Variants in FLNC observed in about 807,000 individuals in gnomAD.
FLNC encodes filamin C.
Under a neutral mutation model 254.3 loss-of-function variants are expected in FLNC, and 91 were observed. The ratio of observed to expected loss-of-function variants is 0.36; its 90% CI spans 0.30 to 0.43. The LOEUF is 0.43. Ranked by LOEUF, FLNC falls within the 20% of genes least tolerant of loss-of-function variation. FLNC has a pLI of 1.00. For missense variants in FLNC, 2,853 were observed against 3,802.6 expected (o/e 0.75, Z 6.57); for synonymous variants, 1,430 against 1,577.2 (o/e 0.91, Z 2.21).
rs1337687550 is a variant in FLNC at position 128,846,882 on chromosome 7, C to T, written c.4265C>T (p.Thr1422Ile). The change falls in exon 24 of 48, where the codon ACC (threonine) becomes ATC (isoleucine). Residue 1422 changes from threonine to isoleucine, a missense_variant. Transcript: ENST00000325888. ...CCTGGAGACTATGACGTCAACATCA[C>T]CTTCGGGGGGCGGCCCATCCCAGGT... ...FTPGDYDVNI[T>I]FGGRPIPGSP... 1 of 1,614,222 alleles carries T rather than the reference C, an allele frequency of 6.2e-7. No individual in the cohort carries two copies. The highest frequency in any genetic ancestry group is 2.2e-5 in the East Asian group (1 of 44,890).
chr7:128,847,613 G>C, intron 24 of FLNC, 84 bp from the exon 25 acceptor site: 1 of 1,539,182 alleles, frequency 6.5e-7, no homozygotes, highest in Non-Finnish European at 9.0e-7. Flanking sequence ...CAAAGGCAGG[G>C]AAGGCCTCCT....
chr7:128,847,057 G>A (rs1808598570), intron 24 of FLNC, 152 bp downstream of exon 24: 5 of 909,044 alleles, frequency 5.5e-6, no homozygotes, highest in Non-Finnish European at 8.4e-6. Flanking sequence ...GCCAGAGGGA[G>A]GACGTGGAGG....
rs749241350 is a variant in FLNC, at chr7:128,841,595, C to T, written c.2121+28C>T. On this transcript the variant is annotated intron_variant, in intron 13 of 47. Transcript: ENST00000325888. This position sits in a 1 kb window ranked among gnomAD's most constrained non-coding sequence, Gnocchi z 4.3. ...AGGTCATTGTCCAGTCTCTGCTGCCCTTACTACCCATGGCAGGGACCCTGG... is the reference window on the plus strand; with the variant it reads ...AGGTCATTGTCCAGTCTCTGCTGCCTTTACTACCCATGGCAGGGACCCTGG... 1.7e-5 allele frequency: 26 copies of T among 1,553,132 alleles called. No homozygotes were observed. The East Asian group carries it at 4.5e-4, about 27-fold the overall frequency.
At position 128,854,539 on chromosome 7, in the gene FLNC, C is replaced by T; in HGVS notation, c.6854C>T (p.Pro2285Leu). Residue 2285 changes from proline to leucine, a missense_variant, in exon 41 of 48, where the codon CCC becomes CTC. Pro to Leu is a moderately conservative substitution (Grantham distance 98, BLOSUM62 -3). Transcript: ENST00000325888. ...SVRFVPQEMG[P>L]HTVAVKYRGQ... ...CGCTTTGTGCCCCAGGAAATGGGGC[C>T]CCATACGGTCGCTGTCAAGTACCGT... 6.2e-7 allele frequency: 1 copy of T among 1,607,146 alleles called. No individual in the cohort carries two copies. Among genetic ancestry groups the T allele is most frequent in the South Asian group, 1.1e-5 (1 of 89,958 alleles).
chr7:128,849,864 G>A, intron 30 of FLNC, 112 bp from the exon 31 acceptor site: 1 of 860,420 alleles, frequency 1.2e-6, no homozygotes, highest in South Asian at 1.4e-5. Context: ...CCTGCAGGAG[G>A]ATGAACACCC....
At position 128,838,007 on chromosome 7, in the gene FLNC, T is replaced by C. The variant is rs1808169403; in HGVS notation, c.990T>C (p.Asn330=). ...HTEEAKVVPN[N]DKDRTYAVSY... ...AATAGGCTAAGGTGGTTCCCAACAATGACAAGGATCGCACCTATGCTGTCT... is the reference window on the plus strand; with the variant it reads ...AATAGGCTAAGGTGGTTCCCAACAACGACAAGGATCGCACCTATGCTGTCT... The change falls in exon 6 of 48, where the codon AAT becomes AAC. Residue 330 remains asparagine, a synonymous_variant. Coordinates refer to ENST00000325888, the MANE Select transcript of FLNC (RefSeq NM_001458.5). 1 of 1,613,884 alleles carries C rather than the reference T, an allele frequency of 6.2e-7. No individual in the cohort carries two copies. Among genetic ancestry groups the C allele is most frequent in the Non-Finnish European group, 8.5e-7 (1 of 1,179,948 alleles).
intron 24 of FLNC, among the ~76,000 whole-genome samples, chr7:128,847,495 G>A (rs1808611760): frequency 6.6e-6 from 1 of 152,236 alleles, no homozygotes; most frequent in South Asian, 2.1e-4. Context: ...ACATGAGTGA[G>A]GTTTGCCCAG....
In FLNC at chr7:128,854,620, G is replaced by T; in HGVS notation, c.6935G>T (p.Gly2312Val). 1 of 1,612,326 alleles carries T rather than the reference G, an allele frequency of 6.2e-7. No homozygotes were observed. Among genetic ancestry groups the T allele is most frequent in the Non-Finnish European group, 8.5e-7 (1 of 1,179,484 alleles). Residue 2312 changes from glycine to valine, a missense_variant, in exon 41 of 48, where the codon GGT becomes GTT. Transcript: ENST00000325888. ...TTCACTGTGGGGCCGCTGGGTGAAGGTGGTGCCCACAAGGTGCGGGCCGGA... is the reference window on the plus strand; with the variant it reads ...TTCACTGTGGGGCCGCTGGGTGAAGTTGGTGCCCACAAGGTGCGGGCCGGA... ...FQFTVGPLGE[G>V]GAHKVRAGGT...
rs1808449599 is a variant in FLNC at position 128,843,992 on chromosome 7, C to T, written c.2930-12C>T. ...CGGAGTCTCCTCATGGTGTCACTTG[C>T]CCTCCACGCAGAGGTGGCTGTGGGA... is the stretch of plus-strand genomic sequence containing the variant. On this transcript the variant is annotated splice_polypyrimidine_tract_variant and intron_variant, in intron 19 of 47. Coordinates refer to ENST00000325888, the MANE Select transcript of FLNC (RefSeq NM_001458.5). 6.2e-7 allele frequency: 1 copy of T among 1,614,150 alleles called. No individual in the cohort carries two copies. Among genetic ancestry groups the T allele is most frequent in the Non-Finnish European group, 8.5e-7 (1 of 1,180,050 alleles).
chr7:128,853,254 TC>T (rs1397387881), intron 37 of FLNC: 3 of 707,788 alleles, frequency 4.2e-6, no homozygotes, highest in Admixed American at 2.2e-5. Context: ...TTTCTGTCCC[TC>T]CCTTGCTCAC....
rs748717566 is a variant in FLNC at position 128,842,804 on chromosome 7, C to A, written c.2400C>A (p.Ser800Arg). The A allele has an allele frequency of 1.2e-5, 20 of 1,613,608 alleles. No individual in the cohort carries two copies. Among genetic ancestry groups the A allele is most frequent in the Non-Finnish European group, 1.5e-5 (18 of 1,180,012 alleles). Residue 800 changes from serine (S) to arginine (R), a missense_variant, in exon 16 of 48, where the codon AGC becomes AGA. By Grantham distance (110) the Ser-to-Arg change is moderately radical. Around this residue, in one of 10 missense-constraint regions of FLNC, gnomAD observed 1,573 missense variants for 1,883.5 expected, o/e 0.84. Coordinates refer to ENST00000325888, the MANE Select transcript of FLNC (RefSeq NM_001458.5). The surrounding 1 kb of genome is among the most constrained non-coding windows in gnomAD (Gnocchi z 5.4). Reference protein sequence around the residue: ...DCSEAGQGDVSIGIKCAPGVV... With the variant: ...DCSEAGQGDVRIGIKCAPGVV... ...CCCGCTTCTCTGCAGGCGACGTGAG[C>A]ATCGGCATCAAGTGCGCCCCAGGCG...
At chr7:128,849,617 A>AG (rs761915876) in intron 30 of FLNC, 39 bp downstream of exon 30, 1 of 1,608,076 alleles carries the variant, frequency 6.2e-7, no homozygotes, top group South Asian at 1.1e-5. Flanking sequence ...ATGGCTGGGG[A>AG]GGGGGGCCTG....
In FLNC at chr7:128,840,421, GCAC is replaced by G. The variant is rs1407161011; in HGVS notation, c.1550-126_1550-124del. 479 of 1,278,502 alleles carry G rather than the reference GCAC, an allele frequency of 3.7e-4. 4 individuals carry two copies. In the African/African-American group the frequency reaches 6.0e-3, roughly 16 times the overall value. 79.2% of individuals were successfully genotyped at this position (1,278,502 alleles called of 1,614,324 possible). ...CAAGTGTTCCCTGCCCTGAGTTGCA[GCAC>G]TGCTCACTACAGCACTGCCCTCGGG... On this transcript the variant is annotated intron_variant, in intron 9 of 47. Transcript: ENST00000325888.
chr7:128,844,914 G>A lies in FLNC; in HGVS notation c.3449G>A (p.Arg1150Gln), dbSNP rs371372377. The A allele has an allele frequency of 9.7e-5, 157 of 1,613,914 alleles. 1 individual carries two copies. Among genetic ancestry groups the A allele is most frequent in the African/African-American group, 5.7e-4 (43 of 75,054 alleles). The change falls in exon 21 of 48, where the codon CGG becomes CAG. Residue 1150 changes from arginine to glutamine, a missense_variant. Physicochemically the swap from Arg to Gln is conservative, Grantham distance 43. Coordinates refer to ENST00000325888, the MANE Select transcript of FLNC (RefSeq NM_001458.5). ...IPGSPFKATI[R>Q]PVFDPSKVRA... is the part of the protein sequence containing the mutation. ...GGCTCGCCCTTCAAAGCCACCATTC[G>A]GCCTGTGTTTGACCCGAGCAAGGTG...
chr7:128,849,872 C>A, intron 30 of FLNC, 104 bp from the exon 31 acceptor site: 6 of 904,156 alleles, frequency 6.6e-6, no homozygotes, highest in Admixed American at 2.0e-5. Context: ...AGGATGAACA[C>A]CCAAATTATC....
intron 18 of FLNC, 63 bp from the exon 19 acceptor site, chr7:128,843,733 A>G: frequency 6.5e-7 from 1 of 1,535,558 alleles, no homozygotes; most frequent in South Asian, 1.1e-5. Flanking sequence ...GCCCATATTC[A>G]CCACCAGGAT....
intron 19 of FLNC, 43 bp from the exon 20 acceptor site, chr7:128,843,961 G>A (rs982132080): frequency 6.2e-7 from 1 of 1,614,122 alleles, no homozygotes. Context: ...TTCGGGTAGG[G>A]TGGACCGGAG....
rs371385321 is a variant in FLNC, at chr7:128,848,969, G to A, written c.4914G>A (p.Lys1638=). The change falls in exon 28 of 48, where the codon AAG becomes AAA. Residue 1638 remains lysine (K), a synonymous_variant. Transcript: ENST00000325888. ...IHALPTGDAS[K]CLVTVSIGGH... ...CTCTGCCCACTGGGGATGCCAGCAA[G>A]TGCCTCGTCACAGGTGGGTGCCCAC... 1.0e-4 allele frequency: 163 copies of A among 1,611,752 alleles called. No homozygotes were observed. The highest frequency in any genetic ancestry group is 1.2e-4 in the Non-Finnish European group (146 of 1,178,992).
intron 26 of FLNC, among the ~76,000 whole-genome samples, chr7:128,848,350 G>C (rs1723641069): frequency 6.6e-6 from 1 of 152,110 alleles, no homozygotes; most frequent in Admixed American, 6.5e-5. Context: ...GGGGAATGGA[G>C]ACGTACCCTG....
Sources: allele counts gnomAD v4.1 joint callset (sites outside exome capture counted in the v4.1 genomes callset), GRCh38; gene constraint gnomAD v4.1.1; regional missense constraint gnomAD v4.1.1; non-coding constraint Gnocchi (gnomAD v3.1); transcripts MANE v1.5; gene names NCBI Gene and HGNC (gene_info 2026-07-23, HGNC 2026-07-21).